The following RBBP8NL variants were observed in gnomAD, a reference collection of about 807,000 sequenced individuals.
RBBP8NL encodes the protein RBBP8 N-terminal-like protein.
Under a neutral mutation model 62.2 loss-of-function variants are expected in RBBP8NL, and 59 were observed. The ratio of observed to expected loss-of-function variants is 0.95; its 90% CI spans 0.77 to 1.18. The LOEUF (loss-of-function observed/expected upper bound fraction) is 1.18, where lower values mean the gene tolerates loss of function less well. Ranked by LOEUF, RBBP8NL falls within the 50% of genes most tolerant of loss-of-function variation. The pLI, the probability that RBBP8NL is intolerant of heterozygous loss-of-function variation, is 0.00. For synonymous variants in RBBP8NL, 412 were observed against 394.1 expected (o/e 1.05, Z -0.54); for missense variants, 896 against 899.5 (o/e 1.00, Z 0.05).
At chr20:62,416,047 G>T in intron 6 of RBBP8NL, 102 bp from the exon 7 acceptor site, 1 of 1,459,964 alleles carries the variant, frequency 6.8e-7, no homozygotes, top group Non-Finnish European at 9.3e-7. Context: ...TGACGCAGCT[G>T]TCCCGACACT....
chr20:62,418,424 G>A lies in RBBP8NL; in HGVS notation c.103C>T (p.Arg35Trp), dbSNP rs1461516473. 2.6e-6 allele frequency: 4 copies of A among 1,550,388 alleles called. No individual in the cohort carries two copies. The highest frequency in any genetic ancestry group is 4.9e-5 in the East Asian group (2 of 40,922). Residue 35 changes from arginine (R) to tryptophan (W), a missense_variant and splice_region_variant, in exon 3 of 14, where the codon CGG becomes TGG. Transcript: ENST00000252998. ...KLLELNSERC[R>W]DAQRIEELFS... ...GGGGCCCTGCTTGGCCTGACTCACCGGCACCTCTCTGAGTTCAGTTCCAGA... is the reference window on the plus strand; with the variant it reads ...GGGGCCCTGCTTGGCCTGACTCACCAGCACCTCTCTGAGTTCAGTTCCAGA...
chr20:62,421,402 C>T lies in RBBP8NL; in HGVS notation c.-83-1672G>A, dbSNP rs1432207673. Among the ~76,000 whole-genome samples, 4 of 114,684 alleles carry T rather than the reference C, an allele frequency of 3.5e-5. No homozygotes were observed. The East Asian group carries it at 1.2e-3, about 35-fold the overall frequency. The allele number at this position is 114,684 out of a possible 152,430, so 75.2% of individuals were successfully genotyped here. A position where few individuals can be genotyped will look rare whatever the true frequency, so the allele number is the denominator to read the frequency against. On this transcript the variant is annotated intron_variant, in intron 1 of 13. Coordinates refer to ENST00000252998, the MANE Select transcript of RBBP8NL (RefSeq NM_080833.3). Reference sequence around the variant, plus strand: ...GTGTGTGCACACCCAAGTCAGTGTGCGTGAGTGTGCGTGTGTGTGCCGTGT... The same window carrying T: ...GTGTGTGCACACCCAAGTCAGTGTGTGTGAGTGTGCGTGTGTGTGCCGTGT...
At chr20:62,425,254 G>A (rs1014540360) in intron 1 of RBBP8NL, among the ~76,000 whole-genome samples, 1 of 152,198 alleles carries the variant, frequency 6.6e-6, no homozygotes, top group African/African-American at 2.4e-5. Context: ...GACCCCAGGT[G>A]TCCAGCAGTG....
chr20:62,419,872 G>A (rs1230210331), intron 1 of RBBP8NL, 142 bp from the exon 2 acceptor site: 6 of 557,056 alleles, frequency 1.1e-5, no homozygotes, highest in African/African-American at 1.9e-5. Flanking sequence ...GAGGTGGCCT[G>A]GAGGCTCCCG....
In RBBP8NL at chr20:62,410,866, G is replaced by A. The variant is rs771295622; in HGVS notation, c.*12C>T. On this transcript the variant is annotated 3_prime_UTR_variant, in exon 14 of 14. Coordinates refer to ENST00000252998, the MANE Select transcript of RBBP8NL (RefSeq NM_080833.3). ...CTGCCCCGGGCTCGCTGTGGACCCT[G>A]GTGCAGGCTGGCTAGGTCTCCTCCC... 1.9e-6 allele frequency: 3 copies of A among 1,584,006 alleles called. No homozygotes were observed. Among genetic ancestry groups the A allele is most frequent in the Non-Finnish European group, 2.6e-6 (3 of 1,154,834 alleles).
In RBBP8NL at chr20:62,419,573, C is replaced by T; in HGVS notation, c.61+14G>A. 3 of 1,613,262 alleles carry T rather than the reference C, an allele frequency of 1.9e-6. No homozygotes were observed. The highest frequency in any genetic ancestry group is 2.5e-6 in the Non-Finnish European group (3 of 1,179,686). On this transcript the variant is annotated intron_variant, in intron 2 of 13. Coordinates refer to ENST00000252998, the MANE Select transcript of RBBP8NL (RefSeq NM_080833.3). Reference sequence around the variant, plus strand: ...GACCCCTCCCTAGCCTGGCATCTGTCCCTGGCCCCTCACCCAGGACTTCCT... The same window carrying T: ...GACCCCTCCCTAGCCTGGCATCTGTTCCTGGCCCCTCACCCAGGACTTCCT...
At chr20:62,419,832 C>A in intron 1 of RBBP8NL, 102 bp from the exon 2 acceptor site, 1 of 614,638 alleles carries the variant, frequency 1.6e-6, no homozygotes, top group Non-Finnish European at 2.8e-6. Context: ...TGGAGCAGAC[C>A]CCATGCCATG....
chr20:62,423,268 G>A (rs377673051), intron 1 of RBBP8NL, among the ~76,000 whole-genome samples: 3 of 152,310 alleles, frequency 2.0e-5, no homozygotes, highest in African/African-American at 7.2e-5. Flanking sequence ...CAAGCCTCCC[G>A]TCTCAGTCAC....
In RBBP8NL at chr20:62,416,804, A is replaced by C; in HGVS notation, c.269T>G (p.Phe90Cys). ...CAGGTTCTGCAGGTGGGAGCTCTCG[A>C]ACTCCTGCTGCCGCTTCCTGGCCAG... ...QELARKRQQE[F>C]ESSHLQNLQR... The change falls in exon 5 of 14, where the codon TTC becomes TGC. Residue 90 changes from phenylalanine (F) to cysteine (C), a missense_variant. Phe to Cys is a radical substitution (Grantham distance 205, BLOSUM62 -2). Transcript: ENST00000252998. The C allele has an allele frequency of 6.3e-7, 1 of 1,590,234 alleles. No individual in the cohort carries two copies. The highest frequency in any genetic ancestry group is 8.6e-7 in the Non-Finnish European group (1 of 1,168,212).
At chr20:62,421,881 C>T (rs570721346) in intron 1 of RBBP8NL, among the ~76,000 whole-genome samples, 2 of 148,138 alleles carry the variant, frequency 1.4e-5, no homozygotes, top group Admixed American at 1.3e-4. Context: ...TCTGTTTTTG[C>T]TCTGTGTGTG....
chr20:62,412,831 T>C lies in RBBP8NL; in HGVS notation c.1745A>G (p.Glu582Gly). 1 of 1,613,470 alleles carries C rather than the reference T, an allele frequency of 6.2e-7. No homozygotes were observed. Among genetic ancestry groups the C allele is most frequent in the South Asian group, 1.1e-5 (1 of 91,088 alleles). The change falls in exon 12 of 14, where the codon GAG becomes GGG. Residue 582 changes from glutamate (E) to glycine (G), a missense_variant and splice_region_variant. By Grantham distance (98) the Glu-to-Gly change is moderately conservative. Transcript: ENST00000252998. ...GCTGAGTGTGTGGCCTGGACCCACC[T>C]CGCTGCCTGGGGTGTCTGTCTCATC... ...ELDETDTPGS[E>G]VGLSSQAEAT...
intron 13 of RBBP8NL, 142 bp from the exon 14 acceptor site, chr20:62,411,138 A>G (rs1010279695): frequency 1.4e-5 from 9 of 660,446 alleles, no homozygotes; most frequent in African/African-American, 1.1e-4. Flanking sequence ...CCTTGTTCCT[A>G]CAGAAACCGG....
At chr20:62,426,189 GGCAGTGGCAGTGGCATTA>G (rs1233974214) in intron 1 of RBBP8NL, among the ~76,000 whole-genome samples, 1 of 151,786 alleles carries the variant, frequency 6.6e-6, no homozygotes, top group Non-Finnish European at 1.5e-5. Flanking sequence ...CAGCGGCAGC[GGCAGTGGCAGTGGCATTA>G]GCAGTGGCAG....
Position 62,410,456 on chromosome 20 carries a change from G to A in RBBP8NL, c.*422C>T, listed in dbSNP as rs1601483561. On this transcript the variant is annotated 3_prime_UTR_variant, in exon 14 of 14. Transcript: ENST00000252998. ...GGCACTGCCTGGGAACGGCTGCAGT[G>A]CACAGCAGGGGTAGGGCTGGGCTGG... The A allele has an allele frequency of 5.7e-6, 1 of 175,862 alleles. No homozygotes were observed. Among genetic ancestry groups the A allele is most frequent in the Non-Finnish European group, 1.2e-5 (1 of 83,102 alleles). 10.9% of individuals were successfully genotyped at this position (175,862 alleles called of 1,614,324 possible).
intron 1 of RBBP8NL, among the ~76,000 whole-genome samples, chr20:62,423,742 C>T (rs1988754328): frequency 6.6e-6 from 1 of 152,184 alleles, no homozygotes. Context: ...GTGCCCGAAA[C>T]CACCTGCAGC....
At chr20:62,427,107 G>A (rs1366361021) in intron 1 of RBBP8NL, among the ~76,000 whole-genome samples, 2 of 152,226 alleles carry the variant, frequency 1.3e-5, no homozygotes, top group Non-Finnish European at 2.9e-5. Flanking sequence ...GAACCTGGAT[G>A]GTGGGGCGGG....
rs1295507092 is a variant in RBBP8NL at position 62,410,672 on chromosome 20, C to A, written c.*206G>T. The A allele has an allele frequency of 1.2e-5, 7 of 579,616 alleles. No homozygotes were observed. Among genetic ancestry groups the A allele is most frequent in the Non-Finnish European group, 2.1e-5 (7 of 329,366 alleles). 35.9% of individuals were successfully genotyped at this position (579,616 alleles called of 1,614,324 possible). A position where few individuals can be genotyped will look rare whatever the true frequency, so the allele number is the denominator to read the frequency against. On this transcript the variant is annotated 3_prime_UTR_variant, in exon 14 of 14. Transcript: ENST00000252998. ...GTCACCGGCTCTTCGGGGTTGCCTG[C>A]TGGTTGGGTGGTGTGCCCTCTCCAG...
At chr20:62,423,113 G>A (rs537722466) in intron 1 of RBBP8NL, among the ~76,000 whole-genome samples, 10 of 152,224 alleles carry the variant, frequency 6.6e-5, no homozygotes, top group Non-Finnish European at 1.0e-4. Context: ...GGAGCCTGCC[G>A]GAAGCAGGTC....
intron 10 of RBBP8NL, 52 bp from the exon 11 acceptor site, chr20:62,413,597 G>T (rs374223510): frequency 6.7e-7 from 1 of 1,492,004 alleles, no homozygotes; most frequent in Non-Finnish European, 8.9e-7. Flanking sequence ...CTTCCTTGCC[G>T]CCAACTCAGC....
Sources: allele counts gnomAD v4.1 joint callset (sites outside exome capture counted in the v4.1 genomes callset), GRCh38; gene constraint gnomAD v4.1.1; transcripts MANE v1.5; gene names NCBI Gene and HGNC (gene_info 2026-07-23, HGNC 2026-07-21).